The following BIRC2 variants were observed in gnomAD, a reference collection of about 807,000 sequenced individuals.
The protein encoded by BIRC2 is baculoviral IAP repeat-containing protein 2.
In BIRC2, 18 loss-of-function variants were observed where a neutral mutation model predicts 60.9. The ratio of observed to expected loss-of-function variants is 0.30; its 90% CI spans 0.20 to 0.44. BIRC2 has a LOEUF of 0.44. BIRC2 is among the 20% of genes least tolerant of loss of function. The pLI is 1.00. For synonymous variants in BIRC2, 282 were observed against 247.7 expected, an observed-to-expected ratio of 1.14 and a Z score of -1.30; for missense variants, 701 against 728.5, an observed-to-expected ratio of 0.96 and a Z score of 0.43.
At chr11:102,376,002 G>A (rs965707285) in intron 6 of BIRC2, among the ~76,000 whole-genome samples, 1 of 151,654 alleles carries the variant, frequency 6.6e-6, no homozygotes, top group African/African-American at 2.4e-5. Context: ...GACTTGGGAA[G>A]TGGGAGGGAC....
At chr11:102,360,726 A>G (rs1345115252) in intron 3 of BIRC2, among the ~76,000 whole-genome samples, 1 of 114,748 alleles carries the variant, frequency 8.7e-6, no homozygotes, top group African/African-American at 3.3e-5. Flanking sequence ...GCCTTGTGTT[A>G]TCTGTGTATT....
intron 3 of BIRC2, among the ~76,000 whole-genome samples, chr11:102,353,061 G>A (rs1951381503): frequency 1.3e-5 from 2 of 151,942 alleles, no homozygotes; most frequent in South Asian, 4.1e-4. Context: ...AAATTAAAAA[G>A]CATGTTTTAT....
intron 5 of BIRC2, among the ~76,000 whole-genome samples, chr11:102,365,743 AGTGT>A (rs34130638): frequency 4.7e-5 from 7 of 147,544 alleles, no homozygotes; most frequent in South Asian, 2.2e-4. Flanking sequence ...CATTCAGCTA[AGTGT>A]GTGTGTGTGT....
At chr11:102,357,101 T>C (rs1368123560) in intron 3 of BIRC2, among the ~76,000 whole-genome samples, 1 of 152,218 alleles carries the variant, frequency 6.6e-6, no homozygotes, top group Non-Finnish European at 1.5e-5. Context: ...GGCTGCTGAA[T>C]TCGGTTTGCT....
At chr11:102,374,215 C>A (rs1030167968) in intron 6 of BIRC2, among the ~76,000 whole-genome samples, 2 of 151,582 alleles carry the variant, frequency 1.3e-5, no homozygotes, top group Non-Finnish European at 3.0e-5. Context: ...TGGTGAGGAA[C>A]TGCGTTCCTT....
At chr11:102,357,377 C>T (rs1213639776) in intron 3 of BIRC2, among the ~76,000 whole-genome samples, 2 of 150,988 alleles carry the variant, frequency 1.3e-5, no homozygotes, top group Non-Finnish European at 2.9e-5. Flanking sequence ...CTTTCTTCTT[C>T]TTTCTTCTTC....
intron 5 of BIRC2, among the ~76,000 whole-genome samples, chr11:102,367,304 T>C (rs1364363574): frequency 3.3e-5 from 5 of 152,132 alleles, no homozygotes; most frequent in African/African-American, 7.2e-5. Flanking sequence ...ATTCCTGTTA[T>C]TTTCTGTTTT....
intron 3 of BIRC2, among the ~76,000 whole-genome samples, chr11:102,360,945 C>T (rs1334900778): frequency 6.6e-6 from 1 of 152,068 alleles, no homozygotes; most frequent in Non-Finnish European, 1.5e-5. Context: ...TGCAGGGGTC[C>T]TCAACATCCA....
At chr11:102,358,046 CT>C (rs1265985930) in intron 3 of BIRC2, among the ~76,000 whole-genome samples, 4 of 152,074 alleles carry the variant, frequency 2.6e-5, no homozygotes, top group African/African-American at 9.7e-5. Context: ...AGCTTTCCAA[CT>C]TTCATTCTGT....
chr11:102,363,692 G>A lies in BIRC2; in HGVS notation c.1099G>A (p.Gly367Arg). The A allele has an allele frequency of 3.7e-6, 6 of 1,611,556 alleles. No homozygotes were observed. The highest frequency in any genetic ancestry group is 5.1e-6 in the Non-Finnish European group (6 of 1,178,292). Residue 367 changes from glycine to arginine, a missense_variant, in exon 5 of 9, where the codon GGA becomes AGA. Transcript: ENST00000227758. The part of the protein sequence containing the change: ...EQLLSTSDTT[G>R]EENADPPIIH... ...GCTGTTGTCAACTTCAGATACCACTGGAGAAGAAAATGCTGACCCACCAAG... is the reference window on the plus strand; with the variant it reads ...GCTGTTGTCAACTTCAGATACCACTAGAGAAGAAAATGCTGACCCACCAAG...
In BIRC2 at chr11:102,362,387, T is replaced by A. The variant is rs545847175; in HGVS notation, c.996-509T>A. 2.6e-5 allele frequency among the ~76,000 whole-genome samples: 4 copies of A among 152,304 alleles called. No homozygotes were observed. In the East Asian group the frequency reaches 5.8e-4, roughly 22 times the overall value. On this transcript the variant is annotated intron_variant, in intron 3 of 8. Transcript: ENST00000227758. The stretch of plus-strand genomic sequence containing the variant: ...GCCCTATCAGTTTAAAAACAAATAT[T>A]TGAGAAACACTGTCATATTATATAT...
intron 6 of BIRC2, among the ~76,000 whole-genome samples, chr11:102,375,037 C>T (rs889060751): frequency 6.6e-6 from 1 of 152,206 alleles, no homozygotes; most frequent in Admixed American, 6.5e-5. Flanking sequence ...GCACACGGTG[C>T]GCGCACCCAC....
At chr11:102,362,123 T>G (rs1009578473) in intron 3 of BIRC2, among the ~76,000 whole-genome samples, 1 of 152,242 alleles carries the variant, frequency 6.6e-6, no homozygotes, top group Non-Finnish European at 1.5e-5. Context: ...GTCTAATAAT[T>G]CTTTACCCAA....
chr11:102,367,310 GT>G (rs200121347), intron 5 of BIRC2, among the ~76,000 whole-genome samples: 105 of 143,984 alleles, frequency 7.3e-4, no homozygotes, highest in African/African-American at 1.6e-3. Flanking sequence ...GTTATTTTCT[GT>G]TTTTTTTTTT....
At chr11:102,365,772 T>G (rs541368417) in intron 5 of BIRC2, among the ~76,000 whole-genome samples, 248 of 137,814 alleles carry the variant, frequency 1.8e-3, no homozygotes, top group African/African-American at 6.5e-3. Flanking sequence ...GTGTGTGTGT[T>G]TGTAGATACA....
intron 4 of BIRC2, among the ~76,000 whole-genome samples, 190 bp downstream of exon 4, chr11:102,363,164 A>T (rs1028267720): frequency 4.6e-5 from 7 of 152,268 alleles, no homozygotes; most frequent in African/African-American, 1.4e-4. Flanking sequence ...ACATACTTTC[A>T]TCCATGTTAA....
At position 102,356,242 on chromosome 11, in the gene BIRC2, C is replaced by T. The variant is rs185998230; in HGVS notation, c.995+5299C>T. Among the ~76,000 whole-genome samples, 392 of 146,558 alleles carry T rather than the reference C, an allele frequency of 2.7e-3. 2 individuals are homozygous for T. Among genetic ancestry groups the T allele is most frequent in the African/African-American group, 9.6e-3 (376 of 39,360 alleles). ...ATGGAATTTTGCTCTGTTGCCCAGG[C>T]TAGAATGCAGTGGCGCAATCTGAGC... On this transcript the variant is annotated intron_variant, in intron 3 of 8. Coordinates refer to ENST00000227758, the MANE Select transcript of BIRC2 (RefSeq NM_001166.5).
At chr11:102,355,147 G>A (rs534089494) in intron 3 of BIRC2, among the ~76,000 whole-genome samples, 1 of 152,064 alleles carries the variant, frequency 6.6e-6, no homozygotes, top group Admixed American at 6.5e-5. Flanking sequence ...GGTTGCCTGT[G>A]CTTTTGGTGT....
At chr11:102,372,472 A>G (rs1797204036) in intron 6 of BIRC2, among the ~76,000 whole-genome samples, 1 of 152,114 alleles carries the variant, frequency 6.6e-6, no homozygotes, top group African/African-American at 2.4e-5. Context: ...CATGTAGTTG[A>G]GTGATTTTGA....
Sources: gnomAD v4.1 joint callset for allele counts (sites outside exome capture counted in the v4.1 genomes callset) on GRCh38, gnomAD v4.1.1 for gene constraint, MANE v1.5 for transcripts, NCBI Gene and HGNC (gene_info 2026-07-23, HGNC 2026-07-21) for gene names.